FSIP2: variants seen among roughly 807,000 people sequenced by gnomAD.
FSIP2 encodes fibrous sheath-interacting protein 2.
FSIP2 carries 367 observed loss-of-function variants against 510.5 expected under a neutral mutation model. The observed-to-expected ratio is 0.72, with a 90% CI of 0.66 to 0.78. FSIP2 has a LOEUF of 0.78. Among genes scored for constraint, FSIP2 ranks in the 30% least tolerant of loss-of-function variants. The pLI is 0.00. For missense variants in FSIP2, 7,594 were observed against 7,901.7 expected, an observed-to-expected ratio of 0.96 and a Z score of 1.48; for synonymous variants, 2,601 against 2,732.2, an observed-to-expected ratio of 0.95 and a Z score of 1.50.
At chr2:185,829,301 G>A (rs1574211280) in intron 21 of FSIP2, among the ~76,000 whole-genome samples, 1 of 151,968 alleles carries the variant, frequency 6.6e-6, no homozygotes, top group African/African-American at 2.4e-5. Flanking sequence ...CTCTCTCACT[G>A]ATTACAACTA....
chr2:185,831,891 T>C lies in FSIP2; in HGVS notation c.20587+9T>C, dbSNP rs1694115382. 2 of 1,539,418 alleles carry C rather than the reference T, an allele frequency of 1.3e-6. No individual in the cohort carries two copies. The highest frequency in any genetic ancestry group is 1.8e-6 in the Non-Finnish European group (2 of 1,113,224). On this transcript the variant is annotated intron_variant, in intron 22 of 22. Coordinates refer to ENST00000424728, the MANE Select transcript of FSIP2 (RefSeq NM_173651.4). ...AAAGGAAGTCATTTCAGGTACAAAA[T>C]GTACTATTTTAACAACTGGTGTAAT... is the stretch of plus-strand genomic sequence containing the variant.
chr2:185,795,671 A>G lies in FSIP2; in HGVS notation c.8535A>G (p.Gln2845=), dbSNP rs1224308843. The change falls in exon 16 of 23, where the codon CAA becomes CAG. Residue 2845 remains glutamine (Q), a synonymous_variant. Coordinates refer to ENST00000424728, the MANE Select transcript of FSIP2 (RefSeq NM_173651.4). ...TTAAAAAATTGTTTGACAAGTGGCAAACAGAATCAAATGACAAGGAAAATG... is the reference window on the plus strand; with the variant it reads ...TTAAAAAATTGTTTGACAAGTGGCAGACAGAATCAAATGACAAGGAAAATG... The part of the protein sequence containing the change: ...GIFKKLFDKW[Q]TESNDKENEK... 1.3e-6 allele frequency: 2 copies of G among 1,533,518 alleles called. No individual in the cohort carries two copies. The highest frequency in any genetic ancestry group is 1.7e-6 in the Non-Finnish European group (2 of 1,145,328). 95.0% of individuals were successfully genotyped at this position (1,533,518 alleles called of 1,614,324 possible). A position where few individuals can be genotyped will look rare whatever the true frequency, so the allele number is the denominator to read the frequency against.
At chr2:185,768,158 C>T (rs1433380673) in intron 13 of FSIP2, among the ~76,000 whole-genome samples, 2 of 151,778 alleles carry the variant, frequency 1.3e-5, no homozygotes, top group African/African-American at 2.4e-5. Context: ...TTTTTATATG[C>T]TTGGGATAAT....
chr2:185,784,480 C>T (rs146717446), intron 14 of FSIP2, among the ~76,000 whole-genome samples: 192 of 152,110 alleles, frequency 1.3e-3, no homozygotes, highest in African/African-American at 4.5e-3. Flanking sequence ...AGAACCAGCT[C>T]CCAAAAGCTA....
intron 7 of FSIP2, among the ~76,000 whole-genome samples, chr2:185,752,080 T>C (rs1284183778): frequency 1.3e-5 from 2 of 151,218 alleles, no homozygotes; most frequent in African/African-American, 4.8e-5. Flanking sequence ...TTTTTTTCTG[T>C]CTGAAGGGCT....
chr2:185,814,820 G>C (rs964754135), intron 18 of FSIP2, among the ~76,000 whole-genome samples: 3 of 151,900 alleles, frequency 2.0e-5, no homozygotes, highest in Non-Finnish European at 2.9e-5. Flanking sequence ...CATGTTTTTG[G>C]AGAATATACA....
In FSIP2 at chr2:185,815,432, C is replaced by A; in HGVS notation, c.20387C>A (p.Ser6796Ter). ...TACTTCATACACAGAATTATGAGTT[C>A]ATCTTCATACAACCAAGAAGATCTC... is the stretch of plus-strand genomic sequence containing the variant. ...THYFIHRIMS[S>*]SSYNQEDLIS... Residue 6796 changes from serine to a stop codon, truncating the protein, a stop_gained, in exon 19 of 23, where the codon TCA becomes TAA. Transcript: ENST00000424728. LOFTEE classifies it high-confidence loss of function. The A allele has an allele frequency of 1.3e-6, 2 of 1,511,584 alleles. No individual in the cohort carries two copies. The highest frequency in any genetic ancestry group is 1.4e-5 in the African/African-American group (1 of 71,422). The allele number at this position is 1,511,584 out of a possible 1,614,324, so 93.6% of individuals were successfully genotyped here. A position where few individuals can be genotyped will look rare whatever the true frequency, so the allele number is the denominator to read the frequency against.
At chr2:185,739,890 T>C (rs1380846416) in intron 2 of FSIP2, among the ~76,000 whole-genome samples, 1 of 152,286 alleles carries the variant, frequency 6.6e-6, no homozygotes, top group East Asian at 1.9e-4. Context: ...AACATTATTT[T>C]GTTTTGAGTT....
intron 14 of FSIP2, among the ~76,000 whole-genome samples, chr2:185,785,910 C>T (rs753108962): frequency 5.9e-5 from 9 of 151,860 alleles, no homozygotes; most frequent in Non-Finnish European, 1.0e-4. Context: ...TCAGAAGGGA[C>T]TCATCTGCCC....
In FSIP2 at chr2:185,814,055, C is replaced by T. The variant is rs1167529701; in HGVS notation, c.20325+13C>T. ...GCCCCAGTGTAAGGTAAGTGATAAG[C>T]ATGACTGTTAGTGACTAGAAAGGGG... On this transcript the variant is annotated intron_variant, in intron 18 of 22. Coordinates refer to ENST00000424728, the MANE Select transcript of FSIP2 (RefSeq NM_173651.4). The T allele has an allele frequency of 3.1e-6, 5 of 1,599,680 alleles. No homozygotes were observed. Among genetic ancestry groups the T allele is most frequent in the East Asian group, 2.2e-5 (1 of 44,690 alleles).
intron 19 of FSIP2, among the ~76,000 whole-genome samples, chr2:185,822,421 G>A (rs1227171609): frequency 6.6e-6 from 1 of 151,748 alleles, no homozygotes; most frequent in Non-Finnish European, 1.5e-5. Context: ...TAATTACACT[G>A]AACAATCTAA....
chr2:185,752,104 C>G (rs1692160268), intron 7 of FSIP2, among the ~76,000 whole-genome samples: 1 of 150,828 alleles, frequency 6.6e-6, no homozygotes, highest in Non-Finnish European at 1.5e-5. Context: ...TTTAACATTG[C>G]TCCTAGTACA....
intron 19 of FSIP2, among the ~76,000 whole-genome samples, chr2:185,815,958 T>C (rs1041731837): frequency 3.9e-5 from 6 of 151,964 alleles, no homozygotes; most frequent in African/African-American, 1.4e-4. Context: ...ATGGATAGGA[T>C]ACACAAGTGA....
Position 185,789,715 on chromosome 2 carries a change from C to T in FSIP2, c.2579C>T (p.Pro860Leu). 1 of 1,534,232 alleles carries T rather than the reference C, an allele frequency of 6.5e-7. No individual in the cohort carries two copies. The change falls in exon 16 of 23, where the codon CCA becomes CTA. Residue 860 changes from proline to leucine, a missense_variant. Physicochemically the swap from Pro to Leu is moderately conservative, Grantham distance 98. Transcript: ENST00000424728. The stretch of plus-strand genomic sequence containing the variant: ...TCCTGCCAGCAACATAAGACAGACC[C>T]AATATGTATGTTCCTTCAAAGAGCT... ...KLSCQQHKTD[P>L]ICMFLQRAGK...
In FSIP2 at chr2:185,803,573, AT is replaced by A; in HGVS notation, c.14269del (p.Ser4757ProfsTer8). On this transcript the variant is annotated frameshift_variant, in exon 17 of 23. Transcript: ENST00000424728. LOFTEE classifies it high-confidence loss of function. ...ATAGCAAATCTGCCTTTTAAATCAC[AT>A]TCCAAACTCAGTGCAAATGTTTTAA... ...DLIANLPFKS[H>X]SKLSANVLIQ... is the part of the protein sequence containing the mutation. 1 of 1,532,736 alleles carries A rather than the reference AT, an allele frequency of 6.5e-7. No individual in the cohort carries two copies. 94.9% of individuals were successfully genotyped at this position (1,532,736 alleles called of 1,614,324 possible).
Position 185,792,609 on chromosome 2 carries a change from T to C in FSIP2, c.5473T>C (p.Phe1825Leu), listed in dbSNP as rs1391187015. The change falls in exon 16 of 23, where the codon TTT becomes CTT. Residue 1825 changes from phenylalanine to leucine, a missense_variant. Coordinates refer to ENST00000424728, the MANE Select transcript of FSIP2 (RefSeq NM_173651.4). Reference sequence around the variant, plus strand: ...GCCAACTCCCCAAACATCTGTTCAATTTATGGATAAAATGATGGATCCTTT... The same window carrying C: ...GCCAACTCCCCAAACATCTGTTCAACTTATGGATAAAATGATGGATCCTTT... ...DEPTPQTSVQFMDKMMDPLLS... is the reference protein window; with the variant it reads ...DEPTPQTSVQLMDKMMDPLLS... 3 of 1,534,164 alleles carry C rather than the reference T, an allele frequency of 2.0e-6. No homozygotes were observed. Among genetic ancestry groups the C allele is most frequent in the South Asian group, 2.4e-5 (2 of 84,022 alleles).
rs779261369 is a variant in FSIP2, at chr2:185,802,252, C to T, written c.12946C>T (p.Leu4316Phe). 58 of 1,533,602 alleles carry T rather than the reference C, an allele frequency of 3.8e-5. No individual in the cohort carries two copies. In the South Asian group the frequency reaches 5.5e-4, roughly 14 times the overall value. 95.0% of individuals were successfully genotyped at this position (1,533,602 alleles called of 1,614,324 possible). A position where few individuals can be genotyped will look rare whatever the true frequency, so the allele number is the denominator to read the frequency against. ...ATTTGTAAGGGAGATTGTTGCCAGA[C>T]TTTTGTCAAAGATTTTCAGCCCAAA... ...DSFVREIVARLLSKIFSPKHN... is the reference protein window; with the variant it reads ...DSFVREIVARFLSKIFSPKHN... Residue 4316 changes from leucine to phenylalanine, a missense_variant, in exon 17 of 23, where the codon CTT becomes TTT. Transcript: ENST00000424728.
chr2:185,779,084 C>T (rs892461412), intron 13 of FSIP2, among the ~76,000 whole-genome samples: 2 of 151,804 alleles, frequency 1.3e-5, no homozygotes, highest in Non-Finnish European at 2.9e-5. Flanking sequence ...TGTTTAGATG[C>T]CTCTTGTAGA....
At chr2:185,754,449 C>A (rs146832448) in intron 8 of FSIP2, among the ~76,000 whole-genome samples, 1 of 151,532 alleles carries the variant, frequency 6.6e-6, no homozygotes, top group African/African-American at 2.4e-5. Flanking sequence ...ATTTTCCATG[C>A]AGCTATTGTC....
Sources: gnomAD v4.1 joint callset for allele counts (sites outside exome capture counted in the v4.1 genomes callset) on GRCh38, gnomAD v4.1.1 for gene constraint, MANE v1.5 for transcripts, NCBI Gene and HGNC (gene_info 2026-07-23, HGNC 2026-07-21) for gene names.